The following SLC39A9 variants were observed in gnomAD, a reference collection of about 807,000 sequenced individuals.
SLC39A9 encodes the protein zinc transporter ZIP9.
SLC39A9 carries 14 observed loss-of-function variants against 28.4 expected under a neutral mutation model. The observed-to-expected ratio is 0.49, with a 90% CI of 0.33 to 0.77. The LOEUF (loss-of-function observed/expected upper bound fraction) is 0.77, where lower values mean the gene tolerates loss of function less well. Among genes scored for constraint, SLC39A9 ranks in the 30% least tolerant of loss-of-function variants. The pLI is 0.02. For missense variants in SLC39A9, 283 were observed against 381.1 expected (o/e 0.74, Z 2.14); for synonymous variants, 119 against 149.6 (o/e 0.80, Z 1.49).
chr14:69,452,321 G>C (rs1241834904), intron 3 of SLC39A9, among the ~76,000 whole-genome samples: 1 of 151,844 alleles, frequency 6.6e-6, no homozygotes, highest in Non-Finnish European at 1.5e-5. Flanking sequence ...TCATAAGGGT[G>C]GTGGGTTTTT....
At chr14:69,441,769 G>A in intron 2 of SLC39A9, 2 of 1,071,158 alleles carry the variant, frequency 1.9e-6, no homozygotes, top group Non-Finnish European at 2.3e-6. Context: ...GGAATATTTG[G>A]GGATGGTGTC....
intron 3 of SLC39A9, among the ~76,000 whole-genome samples, chr14:69,451,370 G>C (rs1885602986): frequency 6.6e-6 from 1 of 152,154 alleles, no homozygotes; most frequent in African/African-American, 2.4e-5. Context: ...CTGGCATTTT[G>C]ATGTCCCCAT....
intron 2 of SLC39A9, among the ~76,000 whole-genome samples, chr14:69,424,423 C>T (rs1470180328): frequency 3.3e-5 from 5 of 152,060 alleles, no homozygotes; most frequent in Non-Finnish European, 7.3e-5. Context: ...TGTTTATTTG[C>T]CACAGTGCAT....
At chr14:69,458,219 C>T (rs1440201893) in intron 6 of SLC39A9, 144 bp from the exon 7 acceptor site, 2 of 962,080 alleles carry the variant, frequency 2.1e-6, no homozygotes, top group Admixed American at 2.6e-5. Flanking sequence ...CCATGAATAA[C>T]TTAAAGTTGC....
chr14:69,449,251 G>T (rs1282319962), intron 3 of SLC39A9, among the ~76,000 whole-genome samples: 1 of 152,144 alleles, frequency 6.6e-6, no homozygotes, highest in East Asian at 1.9e-4. Context: ...GCACTGTTGG[G>T]TGGTATTGGA....
upstream of SLC39A9, chr14:69,398,408 A>G: frequency 2.5e-6 from 2 of 792,094 alleles, no homozygotes; most frequent in East Asian, 2.7e-5. Context: ...CAGCTAGAGC[A>G]GCTACTGACT....
At chr14:69,454,765 G>T in intron 4 of SLC39A9, 47 bp from the exon 5 acceptor site, 1 of 1,470,742 alleles carries the variant, frequency 6.8e-7, no homozygotes, top group Non-Finnish European at 9.5e-7. Flanking sequence ...CACTGTTATT[G>T]TTGTTGTTGT....
chr14:69,443,016 C>T (rs186421340), intron 3 of SLC39A9, among the ~76,000 whole-genome samples: 1 of 152,278 alleles, frequency 6.6e-6, no homozygotes, highest in Admixed American at 6.5e-5. Flanking sequence ...AACTAGAATT[C>T]CCCAAGACTT....
chr14:69,424,816 T>C (rs1048048478), intron 2 of SLC39A9, among the ~76,000 whole-genome samples: 4 of 152,148 alleles, frequency 2.6e-5, no homozygotes, highest in East Asian at 3.9e-4. Flanking sequence ...GTCATGAAAC[T>C]TCACAGTTAC....
chr14:69,448,369 A>G (rs773144110), intron 3 of SLC39A9, among the ~76,000 whole-genome samples: 1 of 152,190 alleles, frequency 6.6e-6, no homozygotes, highest in Non-Finnish European at 1.5e-5. Flanking sequence ...CTGACTATCC[A>G]TGAGATAATG....
At chr14:69,400,709 G>C (rs1225612819) in intron 1 of SLC39A9, among the ~76,000 whole-genome samples, 1 of 152,212 alleles carries the variant, frequency 6.6e-6, no homozygotes. Context: ...GGTGGGACAA[G>C]GTGTTGTCAG....
chr14:69,429,096 A>G (rs1222965839), intron 2 of SLC39A9: 2 of 152,184 alleles, frequency 1.3e-5, no homozygotes, highest in Non-Finnish European at 2.9e-5. Flanking sequence ...CTTAAAATCT[A>G]TAAAGGGTAC....
At chr14:69,429,050 G>A (rs1243556817) in intron 2 of SLC39A9, 1 of 152,144 alleles carries the variant, frequency 6.6e-6, no homozygotes, top group Non-Finnish European at 1.5e-5. Flanking sequence ...TTATAGTCCT[G>A]ATTTGGCTCC....
At chr14:69,454,463 G>A (rs1373838483) in intron 4 of SLC39A9, among the ~76,000 whole-genome samples, 3 of 151,858 alleles carry the variant, frequency 2.0e-5, no homozygotes, top group Non-Finnish European at 4.4e-5. Flanking sequence ...ATTCTTCTTT[G>A]GTATTTCCCT....
In SLC39A9 at chr14:69,461,693, C is replaced by G. The variant is rs1051730163; in HGVS notation, c.*3100C>G. 9 of 1,535,190 alleles carry G rather than the reference C, an allele frequency of 5.9e-6. No homozygotes were observed. Among genetic ancestry groups the G allele is most frequent in the Non-Finnish European group, 7.8e-6 (9 of 1,146,702 alleles). On this transcript the variant is annotated 3_prime_UTR_variant, in exon 7 of 7. Transcript: ENST00000336643. The stretch of plus-strand genomic sequence containing the variant: ...GTCACTGCCTGGTTTTTCTCTTTTT[C>G]AAGGATTAGAACTAAGAGGACACAC...
At chr14:69,450,984 ATG>A (rs1429164361) in intron 3 of SLC39A9, among the ~76,000 whole-genome samples, 9 of 152,204 alleles carry the variant, frequency 5.9e-5, no homozygotes, top group African/African-American at 1.7e-4. Flanking sequence ...TATTAAATTT[ATG>A]CTAAACTGCA....
At chr14:69,424,941 A>G (rs1055176938) in intron 2 of SLC39A9, among the ~76,000 whole-genome samples, 4 of 152,238 alleles carry the variant, frequency 2.6e-5, no homozygotes, top group Non-Finnish European at 5.9e-5. Flanking sequence ...TTCTTACTAG[A>G]TACAATATAA....
At chr14:69,421,628 G>T (rs1022613241) in intron 1 of SLC39A9, among the ~76,000 whole-genome samples, 2 of 152,222 alleles carry the variant, frequency 1.3e-5, no homozygotes, top group African/African-American at 4.8e-5. Flanking sequence ...ACGGAGGCAG[G>T]CAGGCCTCCT....
chr14:69,406,000 G>A lies in SLC39A9; in HGVS notation c.96+6535G>A, dbSNP rs2140247225. ...ACAGACTCTGGTAGAGGTGTGATTT[G>A]GAACTAAGTCATTTTGATTCCTGTT... On this transcript the variant is annotated intron_variant, in intron 1 of 6. Transcript: ENST00000336643. Among the ~76,000 whole-genome samples the A allele has an allele frequency of 2.0e-5, 3 of 152,306 alleles. No homozygotes were observed. In the South Asian group the frequency reaches 6.2e-4, roughly 32 times the overall value.
Sources: gnomAD v4.1 joint callset for allele counts (sites outside exome capture counted in the v4.1 genomes callset) on GRCh38, gnomAD v4.1.1 for gene constraint, MANE v1.5 for transcripts, NCBI Gene and HGNC (gene_info 2026-07-23, HGNC 2026-07-21) for gene names.